Variants in IGF1R observed in about 807,000 individuals in gnomAD.
IGF1R encodes the protein insulin-like growth factor 1 receptor.
IGF1R carries 44 observed loss-of-function variants against 144.6 expected under a neutral mutation model. The observed-to-expected ratio is 0.30, with a 90% CI of 0.24 to 0.39. The LOEUF (loss-of-function observed/expected upper bound fraction) is 0.39, where lower values mean the gene tolerates loss of function less well. Ranked by LOEUF, IGF1R falls within the 10% of genes least tolerant of loss-of-function variation. IGF1R has a pLI of 1.00. For synonymous variants in IGF1R, 795 were observed against 722.8 expected, an observed-to-expected ratio of 1.10 and a Z score of -1.60; for missense variants, 1,355 against 1,833.7, an observed-to-expected ratio of 0.74 and a Z score of 4.77.
chr15:98,771,345 C>G (rs10794487), intron 2 of IGF1R, among the ~76,000 whole-genome samples: 1 of 152,032 alleles, frequency 6.6e-6, no homozygotes, highest in African/African-American at 2.4e-5. Context: ...TTGTCTTCCT[C>G]TCTCCCTTCT....
At chr15:98,938,577 A>C (rs1187514901) in intron 17 of IGF1R, among the ~76,000 whole-genome samples, 1 of 152,218 alleles carries the variant, frequency 6.6e-6, no homozygotes, top group Non-Finnish European at 1.5e-5. Context: ...TTTCAGCTGG[A>C]CTTCAGTTGC....
chr15:98,853,850 G>T (rs1006575125), intron 2 of IGF1R, among the ~76,000 whole-genome samples: 1 of 152,312 alleles, frequency 6.6e-6, no homozygotes, highest in Admixed American at 6.5e-5. Flanking sequence ...ATTGCAAATA[G>T]AAATGTAAGG....
At chr15:98,706,582 G>A (rs2053866582) in intron 1 of IGF1R, among the ~76,000 whole-genome samples, 1 of 128,870 alleles carries the variant, frequency 7.8e-6, no homozygotes, top group Non-Finnish European at 1.6e-5. Flanking sequence ...AACAATAAGG[G>A]ATTGGTTAAA....
intron 1 of IGF1R, among the ~76,000 whole-genome samples, chr15:98,701,818 C>G (rs995010848): frequency 2.6e-5 from 4 of 152,140 alleles, no homozygotes; most frequent in Admixed American, 6.5e-5. Context: ...CAAAATAGAT[C>G]AGTATTTCCA....
intron 20 of IGF1R, among the ~76,000 whole-genome samples, chr15:98,955,635 C>T (rs2016949272): frequency 1.3e-5 from 2 of 152,242 alleles, no homozygotes; most frequent in Admixed American, 6.5e-5. Flanking sequence ...GCCCACCCTC[C>T]CTCAAGGTTG....
chr15:98,827,731 C>T (rs1467170706), intron 2 of IGF1R, among the ~76,000 whole-genome samples: 5 of 152,096 alleles, frequency 3.3e-5, no homozygotes, highest in African/African-American at 7.2e-5. Flanking sequence ...TACATGCGCA[C>T]GCCACCACAC....
intron 7 of IGF1R, 77 bp downstream of exon 7, chr15:98,911,518 T>G: frequency 6.3e-7 from 1 of 1,594,160 alleles, no homozygotes; most frequent in Admixed American, 1.7e-5. Context: ...GATCCTTGAA[T>G]GGGCTGGCTG....
At position 98,685,664 on chromosome 15, in the gene IGF1R, G is replaced by A. The variant is rs148020377; in HGVS notation, c.95-21898G>A. Among the ~76,000 whole-genome samples, 1,041 of 152,292 alleles carry A rather than the reference G, an allele frequency of 6.8e-3. 11 individuals carry two copies. The highest frequency in any genetic ancestry group is 0.024 in the African/African-American group (999 of 41,554). ...GATGCCTCTGTGGGCTGGGCCCCTG[G>A]TGGTGCTTCCTCCAGATAATTGTTG... On this transcript the variant is annotated intron_variant, in intron 1 of 20. Coordinates refer to ENST00000650285, the MANE Select transcript of IGF1R (RefSeq NM_000875.5).
chr15:98,671,225 T>G (rs2052882396), intron 1 of IGF1R, among the ~76,000 whole-genome samples: 1 of 152,200 alleles, frequency 6.6e-6, no homozygotes, highest in Non-Finnish European at 1.5e-5. Flanking sequence ...TTACTTAGAC[T>G]TAGCAAAAAT....
At chr15:98,835,829 C>T (rs2057090500) in intron 2 of IGF1R, among the ~76,000 whole-genome samples, 2 of 152,162 alleles carry the variant, frequency 1.3e-5, no homozygotes, top group African/African-American at 4.8e-5. Context: ...GCATTTTCTT[C>T]AAAGCCAAGT....
intron 2 of IGF1R, among the ~76,000 whole-genome samples, chr15:98,878,599 G>A (rs934267091): frequency 7.0e-6 from 1 of 142,860 alleles, no homozygotes; most frequent in Non-Finnish European, 1.5e-5. Flanking sequence ...CACAGTACTG[G>A]GGAAGAGTTG....
chr15:98,800,163 G>A (rs1041182187), intron 2 of IGF1R, among the ~76,000 whole-genome samples: 14 of 152,130 alleles, frequency 9.2e-5, no homozygotes, highest in African/African-American at 1.9e-4. Context: ...GCACAAACCA[G>A]CCTCCTTGGC....
chr15:98,955,555 G>C (rs2016945388), intron 20 of IGF1R, among the ~76,000 whole-genome samples: 1 of 152,244 alleles, frequency 6.6e-6, no homozygotes, highest in African/African-American at 2.4e-5. Context: ...AGGCCCTGTG[G>C]AGACGCAGGC....
At chr15:98,697,117 G>C (rs1288920020) in intron 1 of IGF1R, among the ~76,000 whole-genome samples, 1 of 152,148 alleles carries the variant, frequency 6.6e-6, no homozygotes, top group East Asian at 1.9e-4. Flanking sequence ...TGAAGGGAAG[G>C]CAGGGGCTTG....
Position 98,961,625 on chromosome 15 carries a change from CAT to C in IGF1R, c.*4186_*4187del, listed in dbSNP as rs1445956326. ...GCCAGCAGCTCACACTGCTTGAAGT[CAT>C]ATGAACCACTGAGGCACATCATGGA... On this transcript the variant is annotated 3_prime_UTR_variant, in exon 21 of 21. Coordinates refer to ENST00000650285, the MANE Select transcript of IGF1R (RefSeq NM_000875.5). 2 of 233,636 alleles carry C rather than the reference CAT, an allele frequency of 8.6e-6. No individual in the cohort carries two copies. The highest frequency in any genetic ancestry group is 4.4e-5 in the African/African-American group (2 of 45,354). The allele number at this position is 233,636 out of a possible 1,614,324, so 14.5% of individuals were successfully genotyped here.
rs2017126525 is a variant in IGF1R, at chr15:98,959,131, C to T, written c.*1689C>T. The T allele has an allele frequency of 4.3e-6, 1 of 233,396 alleles. No individual in the cohort carries two copies. The highest frequency in any genetic ancestry group is 2.2e-5 in the African/African-American group (1 of 45,466). The allele number at this position is 233,396 out of a possible 1,614,324, so 14.5% of individuals were successfully genotyped here. On this transcript the variant is annotated 3_prime_UTR_variant, in exon 21 of 21. Coordinates refer to ENST00000650285, the MANE Select transcript of IGF1R (RefSeq NM_000875.5). The stretch of plus-strand genomic sequence containing the variant: ...TTCACACGTCTTTGTTCAGTGTTTC[C>T]ACTCACCGTGGTTGAGAAGCCTCAC...
intron 2 of IGF1R, among the ~76,000 whole-genome samples, chr15:98,796,020 C>T (rs144053243): frequency 3.3e-5 from 5 of 152,320 alleles, no homozygotes; most frequent in East Asian, 3.9e-4. Flanking sequence ...TGGTCCGTGC[C>T]GTCTCTGCCT....
In IGF1R at chr15:98,963,404, C is replaced by T. The variant is rs1205590783; in HGVS notation, c.*5962C>T. ...CTTCAGTATCTTGGTCTTCCAGAAC[C>T]CTCTGGTTGGGAAGGGGATCATTTT... is the stretch of plus-strand genomic sequence containing the variant. On this transcript the variant is annotated 3_prime_UTR_variant, in exon 21 of 21. Transcript: ENST00000650285. The T allele has an allele frequency of 4.3e-6, 1 of 233,110 alleles. No individual in the cohort carries two copies. The highest frequency in any genetic ancestry group is 2.2e-5 in the African/African-American group (1 of 45,310). The allele number at this position is 233,110 out of a possible 1,614,324, so 14.4% of individuals were successfully genotyped here. A position where few individuals can be genotyped will look rare whatever the true frequency, so the allele number is the denominator to read the frequency against.
intron 1 of IGF1R, 101 bp downstream of exon 1, chr15:98,649,776 G>GCC: frequency 1.1e-6 from 1 of 893,524 alleles, no homozygotes; most frequent in Non-Finnish European, 1.8e-6. Context: ...CAGCTGTCGG[G>GCC]CCCCCGGGCT....
Sources: allele counts gnomAD v4.1 joint callset (sites outside exome capture counted in the v4.1 genomes callset), GRCh38; gene constraint gnomAD v4.1.1; transcripts MANE v1.5; gene names NCBI Gene and HGNC (gene_info 2026-07-23, HGNC 2026-07-21).